Variants in CAMTA1 observed in about 807,000 individuals in gnomAD.
The protein encoded by CAMTA1 is calmodulin-binding transcription activator 1.
Under a neutral mutation model 170.9 loss-of-function variants are expected in CAMTA1, and 27 were observed. The ratio of observed to expected loss-of-function variants is 0.16; its 90% CI spans 0.12 to 0.22. CAMTA1 has a LOEUF of 0.22. Ranked by LOEUF, CAMTA1 falls within the 10% of genes least tolerant of loss-of-function variation. CAMTA1 has a pLI of 1.00. For missense variants in CAMTA1, 1,619 were observed against 2,217.2 expected (o/e 0.73, Z 5.42); for synonymous variants, 833 against 891.5 (o/e 0.93, Z 1.17).
chr1:7,611,140 G>C (rs1356549265), intron 6 of CAMTA1, among the ~76,000 whole-genome samples: 2 of 152,132 alleles, frequency 1.3e-5, no homozygotes, highest in African/African-American at 4.8e-5. Flanking sequence ...CCATGCAGAA[G>C]AGAGCTGGGC....
chr1:7,546,282 C>T (rs1391936788), intron 6 of CAMTA1, among the ~76,000 whole-genome samples: 1 of 152,170 alleles, frequency 6.6e-6, no homozygotes, highest in African/African-American at 2.4e-5. Context: ...GATTAGTTTG[C>T]TGAGGATAAC....
Position 7,679,635 on chromosome 1 carries a change from C to T in CAMTA1, c.2914+1902C>T, listed in dbSNP as rs536417159. ...TGGGCCTCCAAGTTGAAATAAGCACCCCTGCACCTGCAGGATACACAGGAG... is the reference window on the plus strand; with the variant it reads ...TGGGCCTCCAAGTTGAAATAAGCACTCCTGCACCTGCAGGATACACAGGAG... On this transcript the variant is annotated intron_variant, in intron 11 of 22. Coordinates refer to ENST00000303635, the MANE Select transcript of CAMTA1 (RefSeq NM_015215.4). 5.9e-5 allele frequency among the ~76,000 whole-genome samples: 9 copies of T among 151,466 alleles called. 1 individual carries two copies. The highest frequency in any genetic ancestry group is 1.3e-4 in the Non-Finnish European group (9 of 67,912).
chr1:7,347,129 C>T (rs573009724), intron 5 of CAMTA1, among the ~76,000 whole-genome samples: 22 of 152,200 alleles, frequency 1.4e-4, no homozygotes, highest in Non-Finnish European at 2.5e-4. Context: ...TGCCTCATCC[C>T]GGTGGCAGCG....
At chr1:6,852,943 C>T (rs1660961113) in intron 3 of CAMTA1, 1 of 152,064 alleles carries the variant, frequency 6.6e-6, no homozygotes, top group East Asian at 1.9e-4. Context: ...TCCCGAGAGT[C>T]CTCTCATCAT....
intron 5 of CAMTA1, among the ~76,000 whole-genome samples, chr1:7,405,081 T>C (rs1003455437): frequency 1.3e-5 from 2 of 152,108 alleles, no homozygotes; most frequent in Non-Finnish European, 2.9e-5. Flanking sequence ...TGAGCCATGC[T>C]GTTGGAGGCT....
At position 7,532,567 on chromosome 1, in the gene CAMTA1, C is replaced by T. The variant is rs2094504362; in HGVS notation, c.510+64666C>T. Among the ~76,000 whole-genome samples, 1 of 152,152 alleles carries T rather than the reference C, an allele frequency of 6.6e-6. No individual in the cohort carries two copies. The highest frequency in any genetic ancestry group is 1.5e-5 in the Non-Finnish European group (1 of 68,036). ...TCCTCCCATTTCGGCCCCCCGAGTT[C>T]AGCTTCTTTCTTTAATCCATCACTT... is the stretch of plus-strand genomic sequence containing the variant. On this transcript the variant is annotated intron_variant, in intron 6 of 22. Coordinates refer to ENST00000303635, the MANE Select transcript of CAMTA1 (RefSeq NM_015215.4). The surrounding 1 kb of genome is among the most constrained non-coding windows in gnomAD (Gnocchi z 4.2).
chr1:6,925,234 C>T (rs1186809628), intron 3 of CAMTA1, among the ~76,000 whole-genome samples: 1 of 152,226 alleles, frequency 6.6e-6, no homozygotes, highest in Non-Finnish European at 1.5e-5. Flanking sequence ...CTAGAAGCTT[C>T]GCCTTGGCCC....
At chr1:6,851,374 G>A (rs1405155428) in intron 3 of CAMTA1, among the ~76,000 whole-genome samples, 1 of 152,186 alleles carries the variant, frequency 6.6e-6, no homozygotes, top group Admixed American at 6.5e-5. Context: ...AATAAAAATG[G>A]TCTGGACATA....
Position 7,251,783 on chromosome 1 carries a change from G to C in CAMTA1, c.438+2157G>C, listed in dbSNP as rs1316988764. On this transcript the variant is annotated intron_variant, in intron 5 of 22. Transcript: ENST00000303635. This position sits in a 1 kb window ranked among gnomAD's most constrained non-coding sequence, Gnocchi z 5.1. ...TAAGCATCCCGGGAGTGCAGAGTGG[G>C]CTGGAATGGTCAGAGACACTTCCTA... Among the ~76,000 whole-genome samples, 1 of 152,198 alleles carries C rather than the reference G, an allele frequency of 6.6e-6. No individual in the cohort carries two copies. The highest frequency in any genetic ancestry group is 2.4e-5 in the African/African-American group (1 of 41,444).
chr1:6,795,563 A>G lies in CAMTA1; in HGVS notation c.45+9988A>G, dbSNP rs1226450809. Reference sequence around the variant, plus strand: ...TTTAGAAGTTATGATAGTTTGTGCCATATACATTGTATATTTTTCATTTTT... The same window carrying G: ...TTTAGAAGTTATGATAGTTTGTGCCGTATACATTGTATATTTTTCATTTTT... On this transcript the variant is annotated intron_variant, in intron 1 of 22. Transcript: ENST00000303635. 4.6e-5 allele frequency among the ~76,000 whole-genome samples: 7 copies of G among 152,316 alleles called. No individual in the cohort carries two copies. The East Asian group carries it at 7.7e-4, about 17-fold the overall frequency.
intron 5 of CAMTA1, among the ~76,000 whole-genome samples, chr1:7,446,535 G>A (rs147202706): frequency 6.6e-6 from 1 of 152,302 alleles, no homozygotes; most frequent in East Asian, 1.9e-4. Flanking sequence ...GGAGGGCCCG[G>A]GTGGCCACGG....
intron 3 of CAMTA1, among the ~76,000 whole-genome samples, chr1:6,895,172 A>G (rs950578774): frequency 5.9e-5 from 9 of 152,226 alleles, no homozygotes; most frequent in African/African-American, 1.9e-4. Flanking sequence ...AAAAGGTGTC[A>G]GGTGAGGGTT....
In CAMTA1 at chr1:7,688,011, C is replaced by CTTTTTTTTTTTTTTTTTTTTTTTT. The variant is rs70987364; in HGVS notation, c.2914+10295_2914+10296insTTTTTTTTTTTTTTTTTTTTTTTT. On this transcript the variant is annotated intron_variant, in intron 11 of 22. Transcript: ENST00000303635. ...CGATTACGTCGGACTCTCATTATTC[C>CTTTTTTTTTTTTTTTTTTTTTTTT]TTTTTTTTTTTTTTTTTGGCAGAGT... 6.8e-5 allele frequency among the ~76,000 whole-genome samples: 7 copies of CTTTTTTTTTTTTTTTTTTTTTTTT among 103,278 alleles called. 1 individual carries two copies. Among genetic ancestry groups the CTTTTTTTTTTTTTTTTTTTTTTTT allele is most frequent in the East Asian group, 5.2e-4 (2 of 3,810 alleles). 67.8% of individuals were successfully genotyped at this position (103,278 alleles called of 152,430 possible). A position where few individuals can be genotyped will look rare whatever the true frequency, so the allele number is the denominator to read the frequency against.
chr1:7,499,637 G>T (rs2093939817), intron 6 of CAMTA1, among the ~76,000 whole-genome samples: 1 of 147,758 alleles, frequency 6.8e-6, no homozygotes, highest in African/African-American at 2.5e-5. Context: ...TGTGAGCCTG[G>T]TGTGAGTGCA....
intron 6 of CAMTA1, among the ~76,000 whole-genome samples, chr1:7,487,059 G>A (rs911329310): frequency 1.3e-5 from 2 of 152,200 alleles, no homozygotes; most frequent in Non-Finnish European, 2.9e-5. Flanking sequence ...AGCACTTAGC[G>A]TGATACACGG....
At chr1:7,728,043 A>G (rs1246898209) in intron 11 of CAMTA1, among the ~76,000 whole-genome samples, 3 of 152,260 alleles carry the variant, frequency 2.0e-5, no homozygotes, top group Non-Finnish European at 4.4e-5. Flanking sequence ...TATGCATGAT[A>G]TGATTTTGTT....
At chr1:7,175,792 G>A (rs1464442196) in intron 4 of CAMTA1, among the ~76,000 whole-genome samples, 1 of 152,262 alleles carries the variant, frequency 6.6e-6, no homozygotes, top group Non-Finnish European at 1.5e-5. Context: ...AGGTGCCCTT[G>A]TCCTTTCAGC....
intron 4 of CAMTA1, among the ~76,000 whole-genome samples, chr1:7,120,341 C>A (rs2148451692): frequency 6.6e-6 from 1 of 152,294 alleles, no homozygotes; most frequent in Non-Finnish European, 1.5e-5. Flanking sequence ...GACTGGTGTC[C>A]AAGCTCACAT....
At chr1:7,281,128 G>C (rs1457473520) in intron 5 of CAMTA1, among the ~76,000 whole-genome samples, 3 of 152,054 alleles carry the variant, frequency 2.0e-5, no homozygotes, top group Non-Finnish European at 2.9e-5. Context: ...CTAAACAAAG[G>C]GTACCTCTAT....
Sources: allele counts gnomAD v4.1 joint callset (sites outside exome capture counted in the v4.1 genomes callset), GRCh38; gene constraint gnomAD v4.1.1; non-coding constraint Gnocchi (gnomAD v3.1); transcripts MANE v1.5; gene names NCBI Gene and HGNC (gene_info 2026-07-23, HGNC 2026-07-21).